The following TP53BP1 variants were observed in gnomAD, a reference collection of about 807,000 sequenced individuals.
The protein encoded by TP53BP1 is TP53-binding protein 1.
Under a neutral mutation model 200.8 loss-of-function variants are expected in TP53BP1, and 61 were observed. The observed-to-expected ratio is 0.30, with a 90% CI of 0.25 to 0.38. The LOEUF is 0.38. TP53BP1 is among the 10% of genes least tolerant of loss of function. The pLI is 1.00. For missense variants in TP53BP1, 2,144 were observed against 2,371.9 expected, an observed-to-expected ratio of 0.90 and a Z score of 2.00; for synonymous variants, 822 against 844.3, an observed-to-expected ratio of 0.97 and a Z score of 0.46.
chr15:43,491,892 G>C (rs2079128721), intron 3 of TP53BP1, 110 bp downstream of exon 3: 3 of 1,088,914 alleles, frequency 2.8e-6, no homozygotes, highest in Non-Finnish European at 4.3e-6. Context: ...AGATACCACA[G>C]TAGGCTTCCT....
intron 23 of TP53BP1, among the ~76,000 whole-genome samples, chr15:43,414,768 T>C (rs2045221675): frequency 6.6e-6 from 1 of 151,916 alleles, no homozygotes; most frequent in Non-Finnish European, 1.5e-5. Context: ...TGCCGTGGCG[T>C]GATCTCGGCT....
Position 43,409,141 on chromosome 15 carries a change from G to A in TP53BP1, c.5401-45C>T, listed in dbSNP as rs1392599249. 2.5e-6 allele frequency: 4 copies of A among 1,581,306 alleles called. No individual in the cohort carries two copies. In the Admixed American group the frequency reaches 5.1e-5, roughly 20 times the overall value. On this transcript the variant is annotated intron_variant, in intron 25 of 27. Transcript: ENST00000382044. ...GCCAATGGGTTTGGTGACTTCTGTG[G>A]AAAGCTCCTAAGCAGCAGCCATAAT...
upstream of TP53BP1, among the ~76,000 whole-genome samples, chr15:43,497,134 A>C (rs2079186461): frequency 1.3e-5 from 2 of 152,188 alleles, no homozygotes. Context: ...GCGGTAGCTC[A>C]AGTAATCCCA....
chr15:43,410,808 G>A (rs2045093565), intron 24 of TP53BP1, among the ~76,000 whole-genome samples: 1 of 152,096 alleles, frequency 6.6e-6, no homozygotes, highest in South Asian at 2.1e-4. Context: ...CACCGCCGAG[G>A]CCCCAGGTCA....
At position 43,478,853 on chromosome 15, in the gene TP53BP1, G is replaced by A. The variant is rs527441114; in HGVS notation, c.788+544C>T. On this transcript the variant is annotated intron_variant, in intron 7 of 27. Coordinates refer to ENST00000382044, the MANE Select transcript of TP53BP1 (RefSeq NM_001141980.3). Reference sequence around the variant, plus strand: ...GACAAGCAGTGTCTCTGTAGACAAAGATCACAAAGGAGGAGTGGCAACCAA... The same window carrying A: ...GACAAGCAGTGTCTCTGTAGACAAAAATCACAAAGGAGGAGTGGCAACCAA... 2.0e-4 allele frequency among the ~76,000 whole-genome samples: 30 copies of A among 152,306 alleles called. 1 individual carries two copies. Among genetic ancestry groups the A allele is most frequent in the African/African-American group, 7.2e-4 (30 of 41,574 alleles).
chr15:43,420,938 G>T, intron 20 of TP53BP1, 87 bp downstream of exon 20: 1 of 1,506,278 alleles, frequency 6.6e-7, no homozygotes, highest in Non-Finnish European at 9.0e-7. Context: ...TCTCCCTCCT[G>T]ACACCCCACA....
chr15:43,403,646 C>T lies in TP53BP1; in HGVS notation c.*3737G>A, dbSNP rs112289703. Reference sequence around the variant, plus strand: ...CACTTTAACTTCATGGATGTACCTTCCTTCCTTTCCTAATGCCAACTCTGT... The same window carrying T: ...CACTTTAACTTCATGGATGTACCTTTCTTCCTTTCCTAATGCCAACTCTGT... On this transcript the variant is annotated 3_prime_UTR_variant, in exon 28 of 28. Transcript: ENST00000382044. 2.8e-4 allele frequency: 408 copies of T among 1,449,654 alleles called. 4 individuals carry two copies. The African/African-American group carries it at 4.3e-3, about 15-fold the overall frequency. The allele number at this position is 1,449,654 out of a possible 1,614,324, so 89.8% of individuals were successfully genotyped here. A position where few individuals can be genotyped will look rare whatever the true frequency, so the allele number is the denominator to read the frequency against.
intron 10 of TP53BP1, among the ~76,000 whole-genome samples, chr15:43,472,197 C>T (rs2046742479): frequency 6.6e-6 from 1 of 152,198 alleles, no homozygotes; most frequent in South Asian, 2.1e-4. Flanking sequence ...TCCATTTCCT[C>T]ATCTGTAAAA....
At chr15:43,453,232 A>G (rs1020279893) in intron 12 of TP53BP1, among the ~76,000 whole-genome samples, 5 of 151,280 alleles carry the variant, frequency 3.3e-5, no homozygotes, top group Non-Finnish European at 7.4e-5. Flanking sequence ...CTCCAAAATA[A>G]CTATATTAAA....
chr15:43,447,066 T>A (rs2046058349), intron 13 of TP53BP1: 2 of 466,824 alleles, frequency 4.3e-6, no homozygotes, highest in Non-Finnish European at 8.1e-6. Flanking sequence ...TCCATCCTTA[T>A]AAAACATCTC....
chr15:43,414,915 C>CCAGGCTGGT (rs2045225448), intron 23 of TP53BP1, among the ~76,000 whole-genome samples: 1 of 151,940 alleles, frequency 6.6e-6, no homozygotes, highest in Admixed American at 6.6e-5. Flanking sequence ...GCCAGGTTGG[C>CCAGGCTGGT]CAGGCTGGTC....
intron 13 of TP53BP1, 135 bp from the exon 14 acceptor site, chr15:43,446,725 C>A (rs936119228): frequency 1.3e-6 from 2 of 1,521,416 alleles, no homozygotes; most frequent in Admixed American, 2.2e-5. Flanking sequence ...TAGGATAGAT[C>A]CCTGTCATAA....
chr15:43,412,208 G>A (rs1394867375), intron 24 of TP53BP1, among the ~76,000 whole-genome samples: 3 of 152,096 alleles, frequency 2.0e-5, no homozygotes, highest in South Asian at 2.1e-4. Flanking sequence ...GGCTGCAGTC[G>A]GTGAGATATA....
chr15:43,450,411 C>T (rs1227849660), intron 12 of TP53BP1, among the ~76,000 whole-genome samples: 1 of 152,126 alleles, frequency 6.6e-6, no homozygotes, highest in Non-Finnish European at 1.5e-5. Context: ...AAGTCTACCC[C>T]AAAAGTCTGC....
rs562487600 is a variant in TP53BP1, at chr15:43,506,558, C to T, written c.-9+3812G>A. On this transcript the variant is annotated intron_variant, in intron 1 of 27. Transcript: ENST00000263801. ...TCAGTGGTGGATCCTTAGACACCTTCGACAATTCAAGGGTCCTTCATCACA... is the reference window on the plus strand; with the variant it reads ...TCAGTGGTGGATCCTTAGACACCTTTGACAATTCAAGGGTCCTTCATCACA... Among the ~76,000 whole-genome samples the T allele has an allele frequency of 3.3e-5, 5 of 152,330 alleles. No homozygotes were observed. The South Asian group carries it at 1.0e-3, about 32-fold the overall frequency.
At chr15:43,502,810 T>C (rs898213704) in intron 1 of TP53BP1, among the ~76,000 whole-genome samples, 1 of 151,660 alleles carries the variant, frequency 6.6e-6, no homozygotes. Flanking sequence ...AGCTGGAGTG[T>C]GATGGCATGA....
intron 22 of TP53BP1, 49 bp downstream of exon 22, chr15:43,416,174 GTA>G: frequency 6.6e-7 from 1 of 1,515,710 alleles, no homozygotes; most frequent in Non-Finnish European, 8.9e-7. Context: ...TCCTCCCACT[GTA>G]AGCAGAACAG....
At chr15:43,439,698 CAAT>C (rs1224417615) in intron 15 of TP53BP1, among the ~76,000 whole-genome samples, 3 of 152,100 alleles carry the variant, frequency 2.0e-5, no homozygotes, top group Non-Finnish European at 4.4e-5. Flanking sequence ...TTATTCACAA[CAAT>C]ATCAAAAATT....
intron 23 of TP53BP1, 76 bp from the exon 24 acceptor site, chr15:43,413,410 C>G (rs2142966478): frequency 8.1e-7 from 1 of 1,236,532 alleles, no homozygotes; most frequent in South Asian, 1.4e-5. Context: ...CCAAAAGGCC[C>G]CAGCACCAAG....
Sources: allele counts gnomAD v4.1 joint callset (sites outside exome capture counted in the v4.1 genomes callset), GRCh38; gene constraint gnomAD v4.1.1; transcripts MANE v1.5; gene names NCBI Gene and HGNC (gene_info 2026-07-23, HGNC 2026-07-21).